Variants in HSD17B12 observed in about 807,000 individuals in gnomAD.
HSD17B12 encodes very-long-chain 3-oxoacyl-CoA reductase.
Under a neutral mutation model 39.3 loss-of-function variants are expected in HSD17B12, and 32 were observed. The observed-to-expected ratio is 0.81, with a 90% CI of 0.61 to 1.09. The LOEUF (loss-of-function observed/expected upper bound fraction) is 1.09, where lower values mean the gene tolerates loss of function less well. HSD17B12 is among the 50% of genes least tolerant of loss of function. The pLI is 0.00. For missense variants in HSD17B12, 342 were observed against 382.9 expected (o/e 0.89, Z 0.89); for synonymous variants, 150 against 146.7 (o/e 1.02, Z -0.16).
At chr11:43,705,791 T>G (rs1950009230) in intron 1 of HSD17B12, among the ~76,000 whole-genome samples, 1 of 112,170 alleles carries the variant, frequency 8.9e-6, no homozygotes, top group Non-Finnish European at 1.7e-5. Context: ...TTTTTTGAGA[T>G]AGGGTCTTGC....
the HSD17B12 span, among the ~76,000 whole-genome samples, chr11:43,631,290 A>T: frequency 6.6e-6 from 1 of 152,168 alleles, no homozygotes; most frequent in Non-Finnish European, 1.5e-5. Context: ...GCAGAAAGTA[A>T]AGGATCCCAG....
chr11:43,579,674 G>A, the HSD17B12 span, among the ~76,000 whole-genome samples: 1 of 152,052 alleles, frequency 6.6e-6, no homozygotes, highest in African/African-American at 2.4e-5. Context: ...TGGCGCGGCG[G>A]GCGCGCAGAC....
chr11:43,694,379 G>C (rs1472368449), intron 1 of HSD17B12, among the ~76,000 whole-genome samples: 1 of 152,144 alleles, frequency 6.6e-6, no homozygotes, highest in Non-Finnish European at 1.5e-5. Flanking sequence ...GAGCTTACAA[G>C]TTGGAGAATT....
At chr11:43,706,341 C>T (rs566534273) in intron 1 of HSD17B12, among the ~76,000 whole-genome samples, 3 of 152,142 alleles carry the variant, frequency 2.0e-5, no homozygotes, top group East Asian at 3.9e-4. Flanking sequence ...GTCAGGAGTT[C>T]GAGACCAGCC....
At chr11:43,668,963 G>A in the HSD17B12 span, among the ~76,000 whole-genome samples, 1 of 152,150 alleles carries the variant, frequency 6.6e-6, no homozygotes, top group East Asian at 1.9e-4. Flanking sequence ...CAAAGTGTTA[G>A]AATTACAGGC....
At chr11:43,558,277 C>T in the HSD17B12 span, among the ~76,000 whole-genome samples, 7 of 152,022 alleles carry the variant, frequency 4.6e-5, no homozygotes, top group Non-Finnish European at 1.5e-5. Context: ...TCAAATCCCC[C>T]AGAGGTCTGA....
intron 3 of HSD17B12, chr11:43,754,829 C>T (rs751682509): frequency 1.3e-6 from 1 of 755,278 alleles, no homozygotes; most frequent in Non-Finnish European, 2.4e-6. Flanking sequence ...GAAAAGATAG[C>T]AATACCCATG....
At chr11:43,749,638 CT>C (rs1036279426) in intron 1 of HSD17B12, among the ~76,000 whole-genome samples, 300 of 140,306 alleles carry the variant, frequency 2.1e-3, no homozygotes, top group Middle Eastern at 3.6e-3. Context: ...CTTTTTTTTT[CT>C]TTTTTTTTTT....
chr11:43,658,480 A>G, the HSD17B12 span, among the ~76,000 whole-genome samples: 1 of 151,824 alleles, frequency 6.6e-6, no homozygotes, highest in East Asian at 1.9e-4. Context: ...TGATTTTTAG[A>G]GTTTCCAGTT....
At chr11:43,595,014 G>A in the HSD17B12 span, among the ~76,000 whole-genome samples, 3 of 152,030 alleles carry the variant, frequency 2.0e-5, no homozygotes, top group African/African-American at 7.2e-5. Context: ...TGGGTAAAAC[G>A]GTCTTGGTGA....
the HSD17B12 span, among the ~76,000 whole-genome samples, chr11:43,659,958 C>A: frequency 6.6e-6 from 1 of 152,068 alleles, no homozygotes; most frequent in Non-Finnish European, 1.5e-5. Flanking sequence ...ATTTTCAGCA[C>A]TTTAGAACCT....
the HSD17B12 span, among the ~76,000 whole-genome samples, chr11:43,619,129 A>G: frequency 2.1e-5 from 3 of 142,598 alleles, no homozygotes; most frequent in East Asian, 2.1e-4. Flanking sequence ...TTTAACTTAT[A>G]AGCTTTCTCA....
the HSD17B12 span, among the ~76,000 whole-genome samples, chr11:43,674,562 G>A: frequency 6.6e-6 from 1 of 152,184 alleles, no homozygotes; most frequent in Non-Finnish European, 1.5e-5. Flanking sequence ...ATACCAAAAT[G>A]AGATGGTTTC....
At chr11:43,720,480 C>G (rs1337111818) in intron 1 of HSD17B12, among the ~76,000 whole-genome samples, 1 of 152,210 alleles carries the variant, frequency 6.6e-6, no homozygotes, top group Non-Finnish European at 1.5e-5. Context: ...TAGCAATTTT[C>G]TCATGGTTCT....
intron 6 of HSD17B12, among the ~76,000 whole-genome samples, chr11:43,829,091 A>T (rs1448857077): frequency 1.3e-5 from 2 of 152,206 alleles, no homozygotes; most frequent in East Asian, 3.8e-4. Flanking sequence ...TTAAAAAAAG[A>T]TGTTACATTT....
chr11:43,802,827 TA>T (rs1002341316), intron 4 of HSD17B12, among the ~76,000 whole-genome samples: 6 of 152,238 alleles, frequency 3.9e-5, no homozygotes, highest in African/African-American at 9.6e-5. Flanking sequence ...AACCCTGCTT[TA>T]AAATTATGCT....
At chr11:43,573,249 A>G in the HSD17B12 span, among the ~76,000 whole-genome samples, 1 of 152,192 alleles carries the variant, frequency 6.6e-6, no homozygotes, top group Admixed American at 6.5e-5. Context: ...CACAGCCCTT[A>G]GTACAGGATG....
rs771667054 is a variant in HSD17B12, at chr11:43,754,892, G to A, written c.283+771G>A. 3 of 761,456 alleles carry A rather than the reference G, an allele frequency of 3.9e-6. No homozygotes were observed. In the South Asian group the frequency reaches 4.1e-5, roughly 10 times the overall value. The allele number at this position is 761,456 out of a possible 1,614,324, so 47.2% of individuals were successfully genotyped here. A position where few individuals can be genotyped will look rare whatever the true frequency, so the allele number is the denominator to read the frequency against. The stretch of plus-strand genomic sequence containing the variant: ...TCTTAGGCAATTATACTTGAGACCT[G>A]AATTACAATATGGCAAAGACTCTTA... On this transcript the variant is annotated intron_variant, in intron 3 of 10. Transcript: ENST00000278353.
intron 3 of HSD17B12, among the ~76,000 whole-genome samples, chr11:43,765,487 T>A (rs902518986): frequency 3.3e-4 from 50 of 151,858 alleles, no homozygotes; most frequent in Non-Finnish European, 2.9e-5. Context: ...TTTTTTTTTT[T>A]AATTATTATT....
Sources: allele counts gnomAD v4.1 joint callset (sites outside exome capture counted in the v4.1 genomes callset), GRCh38; gene constraint gnomAD v4.1.1; transcripts MANE v1.5; gene names NCBI Gene and HGNC (gene_info 2026-07-23, HGNC 2026-07-21).